Variants in FNDC3A observed in about 807,000 individuals in gnomAD.
The protein encoded by FNDC3A is fibronectin type-III domain-containing protein 3A.
In FNDC3A, 32 loss-of-function variants were observed where a neutral mutation model predicts 148.9. That is an observed-to-expected ratio of 0.21 (90% CI 0.16 to 0.29). FNDC3A has a LOEUF of 0.29. FNDC3A is among the 10% of genes least tolerant of loss of function. The probability of loss-of-function intolerance (pLI) is 1.00; values close to 1 mark genes in which losing one functional copy is unlikely to be tolerated. For synonymous variants in FNDC3A, 472 were observed against 473.6 expected (o/e 1.00, Z 0.04); for missense variants, 1,191 against 1,452.8 (o/e 0.82, Z 2.93).
chr13:49,191,068 C>T lies in FNDC3A; in HGVS notation c.1998C>T (p.Leu666=), dbSNP rs758974832. ...QTPAVPPGPC[L]PPRLQGRPKA... ...CAGCTGTGCCTCCTGGCCCATGCCT[C>T]CCTCCCAGATTACAGGGTAGACCCA... Residue 666 remains leucine, a synonymous_variant, in exon 18 of 26, where the codon CTC becomes CTT. Transcript: ENST00000492622. The T allele has an allele frequency of 5.6e-6, 9 of 1,613,808 alleles. No homozygotes were observed. The highest frequency in any genetic ancestry group is 1.6e-4 in the Middle Eastern group (1 of 6,084).
At chr13:49,045,666 C>G in intron 2 of FNDC3A, 1 of 1,093,890 alleles carries the variant, frequency 9.1e-7, no homozygotes, top group South Asian at 1.6e-5. Flanking sequence ...TCCTAAAGCT[C>G]TGAAGAGAAA....
intron 25 of FNDC3A, 116 bp downstream of exon 25, chr13:49,203,400 T>A: frequency 1.4e-6 from 1 of 690,280 alleles, no homozygotes; most frequent in Non-Finnish European, 2.4e-6. Context: ...ATTTATTCAG[T>A]ATATATTATG....
At chr13:49,107,041 G>A (rs567708492) in intron 3 of FNDC3A, among the ~76,000 whole-genome samples, 21 of 152,292 alleles carry the variant, frequency 1.4e-4, no homozygotes, top group African/African-American at 3.8e-4. Context: ...ACAAAGTGAT[G>A]GATTAGATGG....
intron 1 of FNDC3A, among the ~76,000 whole-genome samples, chr13:48,997,367 C>A (rs918957880): frequency 1.3e-5 from 2 of 152,116 alleles, no homozygotes; most frequent in African/African-American, 4.8e-5. Context: ...TATAAGGAAA[C>A]AAGAACAGAT....
intron 8 of FNDC3A, among the ~76,000 whole-genome samples, chr13:49,163,046 C>A (rs896267835): frequency 6.6e-5 from 10 of 152,280 alleles, no homozygotes; most frequent in Admixed American, 5.9e-4. Context: ...GTCAATCAGC[C>A]CCTACTGGGA....
At chr13:49,101,564 G>T (rs879002816) in intron 3 of FNDC3A, among the ~76,000 whole-genome samples, 1 of 151,756 alleles carries the variant, frequency 6.6e-6, no homozygotes. Context: ...TCTAACAGCA[G>T]CCTTAATAAA....
intron 2 of FNDC3A, among the ~76,000 whole-genome samples, chr13:49,072,676 G>T (rs1042609731): frequency 2.6e-5 from 4 of 152,018 alleles, no homozygotes; most frequent in South Asian, 2.1e-4. Context: ...TGCAGATGGG[G>T]TCTTGCTATA....
rs1417048155 is a variant in FNDC3A at position 49,146,300 on chromosome 13, T to G, written c.977+365T>G. On this transcript the variant is annotated intron_variant, in intron 8 of 25. Coordinates refer to ENST00000492622, the MANE Select transcript of FNDC3A (RefSeq NM_001079673.2). Reference sequence around the variant, plus strand: ...AACTCATAAAGTATGACATTGCTCCTCTAAGGACTGGATTTAATTCTTACA... The same window carrying G: ...AACTCATAAAGTATGACATTGCTCCGCTAAGGACTGGATTTAATTCTTACA... The G allele has an allele frequency of 1.7e-5, 3 of 171,588 alleles. No individual in the cohort carries two copies. In the East Asian group the frequency reaches 5.3e-4, roughly 30 times the overall value. 10.6% of individuals were successfully genotyped at this position (171,588 alleles called of 1,614,324 possible). A position where few individuals can be genotyped will look rare whatever the true frequency, so the allele number is the denominator to read the frequency against.
intron 4 of FNDC3A, among the ~76,000 whole-genome samples, chr13:49,120,846 A>G (rs2137895369): frequency 6.6e-6 from 1 of 152,324 alleles, no homozygotes; most frequent in East Asian, 1.9e-4. Flanking sequence ...TTTATAAAGC[A>G]AGTTCTTAGA....
At chr13:49,173,641 CTG>C (rs1433851947) in intron 11 of FNDC3A, among the ~76,000 whole-genome samples, 3 of 152,186 alleles carry the variant, frequency 2.0e-5, no homozygotes, top group Non-Finnish European at 4.4e-5. Context: ...CGGGGCAAAA[CTG>C]TCATTATTTA....
intron 3 of FNDC3A, among the ~76,000 whole-genome samples, chr13:49,085,498 A>G (rs1278730241): frequency 6.6e-6 from 1 of 152,194 alleles, no homozygotes; most frequent in Non-Finnish European, 1.5e-5. Context: ...TCTCTGAGAC[A>G]CCTCAGCCTC....
At chr13:49,026,993 G>T (rs1484054869) in intron 2 of FNDC3A, among the ~76,000 whole-genome samples, 1 of 151,872 alleles carries the variant, frequency 6.6e-6, no homozygotes, top group African/African-American at 2.4e-5. Flanking sequence ...CTGTGAAATA[G>T]AAAGTAAAGG....
Position 49,145,912 on chromosome 13 carries a change from TG to T in FNDC3A, c.957del (p.Lys320AsnfsTer7), listed in dbSNP as rs1882967494. 1 of 1,612,630 alleles carries T rather than the reference TG, an allele frequency of 6.2e-7. No homozygotes were observed. Among genetic ancestry groups the T allele is most frequent in the African/African-American group, 1.3e-5 (1 of 74,876 alleles). Reference sequence around the variant, plus strand: ...TTCTGATCTCAAGTACTGGAAAAGATGGGAAATACAAAAGTGTATATGTGTA... The same window carrying T: ...TTCTGATCTCAAGTACTGGAAAAGATGGAAATACAAAAGTGTATATGTGTA... Reference protein sequence around the residue: ...EVLISSTGKDGKYKSVYVGEE... With the variant: ...EVLISSTGKDXKYKSVYVGEE... On this transcript the variant is annotated frameshift_variant, in exon 8 of 26. Coordinates refer to ENST00000492622, the MANE Select transcript of FNDC3A (RefSeq NM_001079673.2). LOFTEE classifies it high-confidence loss of function.
intron 2 of FNDC3A, among the ~76,000 whole-genome samples, chr13:49,020,246 T>C (rs1873219208): frequency 6.6e-6 from 1 of 152,100 alleles, no homozygotes; most frequent in African/African-American, 2.4e-5. Flanking sequence ...TAATATCAGA[T>C]TAAAAAAACC....
chr13:49,123,774 T>A (rs1408257752), intron 4 of FNDC3A, among the ~76,000 whole-genome samples: 2 of 152,042 alleles, frequency 1.3e-5, no homozygotes, highest in Non-Finnish European at 2.9e-5. Flanking sequence ...ATTAGAGAAA[T>A]GCAAATCAAA....
At position 49,207,526 on chromosome 13, in the gene FNDC3A, T is replaced by C; in HGVS notation, c.*131T>C. On this transcript the variant is annotated 3_prime_UTR_variant, in exon 26 of 26. Transcript: ENST00000492622. ...AGACTATAGCACATCATTTTTGCCA[T>C]TTTCAGTGCTTATATTGTTAGGTAG... 1.7e-6 allele frequency: 1 copy of C among 601,104 alleles called. No individual in the cohort carries two copies. The highest frequency in any genetic ancestry group is 2.9e-6 in the Non-Finnish European group (1 of 343,520). 37.2% of individuals were successfully genotyped at this position (601,104 alleles called of 1,614,324 possible).
chr13:49,056,554 GTTC>G (rs2137725454), intron 2 of FNDC3A, among the ~76,000 whole-genome samples: 1 of 152,144 alleles, frequency 6.6e-6, no homozygotes, highest in East Asian at 1.9e-4. Context: ...TTCATTCTCT[GTTC>G]TTCTCCTGCA....
chr13:49,014,950 T>C (rs1952459237), intron 2 of FNDC3A, among the ~76,000 whole-genome samples: 1 of 151,188 alleles, frequency 6.6e-6, no homozygotes. Flanking sequence ...TCTGTTCCAT[T>C]GATCTATATC....
chr13:49,007,858 G>A (rs1952250873), intron 2 of FNDC3A, among the ~76,000 whole-genome samples: 2 of 152,264 alleles, frequency 1.3e-5, no homozygotes, highest in African/African-American at 4.8e-5. Context: ...GAAGTGTAGA[G>A]TAAAGCCTTG....
Sources: gnomAD v4.1 joint callset for allele counts (sites outside exome capture counted in the v4.1 genomes callset) on GRCh38, gnomAD v4.1.1 for gene constraint, MANE v1.5 for transcripts, NCBI Gene and HGNC (gene_info 2026-07-23, HGNC 2026-07-21) for gene names.